The following MALRD1 variants were observed in gnomAD, a reference collection of about 807,000 sequenced individuals.
MALRD1 encodes MAM and LDL-receptor class A domain-containing protein 1.
In MALRD1, 247 loss-of-function variants were observed where a neutral mutation model predicts 242.1. The ratio of observed to expected loss-of-function variants is 1.02; its 90% CI spans 0.92 to 1.13. MALRD1 has a LOEUF of 1.13. Ranked by LOEUF, MALRD1 falls within the 50% of genes most tolerant of loss-of-function variation. The pLI is 0.00. For missense variants in MALRD1, 2,989 were observed against 2,533.1 expected (o/e 1.18, Z -3.86); for synonymous variants, 995 against 866.6 (o/e 1.15, Z -2.60).
chr10:19,242,313 T>G (rs762185163), intron 18 of MALRD1, among the ~76,000 whole-genome samples: 9 of 152,158 alleles, frequency 5.9e-5, no homozygotes, highest in Non-Finnish European at 1.2e-4. Flanking sequence ...ATGATTCAAT[T>G]ATCTCCCACT....
intron 36 of MALRD1, among the ~76,000 whole-genome samples, chr10:19,662,694 G>A (rs1199435445): frequency 6.6e-6 from 1 of 152,102 alleles, no homozygotes; most frequent in African/African-American, 2.4e-5. Context: ...ACCATTTTGT[G>A]CATTTCTGTA....
chr10:19,491,564 C>T lies in MALRD1; in HGVS notation c.5077C>T (p.Arg1693Trp), dbSNP rs748232359. The T allele has an allele frequency of 5.3e-5, 82 of 1,549,920 alleles. No homozygotes were observed. Among genetic ancestry groups the T allele is most frequent in the African/African-American group, 6.9e-5 (5 of 72,986 alleles). The change falls in exon 30 of 40, where the codon CGG becomes TGG. Residue 1693 changes from arginine to tryptophan, a missense_variant. By Grantham distance (101) the Arg-to-Trp change is moderately radical (BLOSUM62 -3). Coordinates refer to ENST00000454679, the MANE Select transcript of MALRD1 (RefSeq NM_001142308.3). ...TCCGGAAATCACTGATTTTTTGTGCCGGGACAAGAAGTGCATTGCATCCCA... is the reference window on the plus strand; with the variant it reads ...TCCGGAAATCACTGATTTTTTGTGCTGGGACAAGAAGTGCATTGCATCCCA... ...LCPEITDFLC[R>W]DKKCIASHLL... is the part of the protein sequence containing the mutation.
At chr10:19,198,862 G>T (rs1275349824) in intron 14 of MALRD1, among the ~76,000 whole-genome samples, 1 of 151,806 alleles carries the variant, frequency 6.6e-6, no homozygotes, top group Non-Finnish European at 1.5e-5. Context: ...CCTTACTATT[G>T]TATATTTTAT....
At chr10:19,430,345 G>A (rs1314436841) in intron 28 of MALRD1, among the ~76,000 whole-genome samples, 1 of 151,522 alleles carries the variant, frequency 6.6e-6, no homozygotes, top group South Asian at 2.1e-4. Flanking sequence ...GTCTTGATTT[G>A]ACCTCGTGAT....
intron 18 of MALRD1, among the ~76,000 whole-genome samples, chr10:19,253,692 T>A (rs963615292): frequency 6.6e-6 from 1 of 152,030 alleles, no homozygotes; most frequent in Admixed American, 6.6e-5. Flanking sequence ...TGTATACAGT[T>A]GTGTAAGCAA....
intron 29 of MALRD1, among the ~76,000 whole-genome samples, chr10:19,464,428 G>A (rs1047137006): frequency 6.6e-6 from 1 of 152,112 alleles, no homozygotes; most frequent in African/African-American, 2.4e-5. Flanking sequence ...TCCTACATGT[G>A]GCTTGCCAAT....
Position 19,125,684 on chromosome 10 carries a change from A to G in MALRD1, c.943+1014A>G, listed in dbSNP as rs180833419. Among the ~76,000 whole-genome samples the G allele has an allele frequency of 3.0e-4, 45 of 152,004 alleles. No homozygotes were observed. The East Asian group carries it at 7.9e-3, about 27-fold the overall frequency. On this transcript the variant is annotated intron_variant, in intron 7 of 39. Transcript: ENST00000454679. ...ATTCTTTATATGAAATTTCTTTAAC[A>G]AAACCTAAAGTGCTCTACTATTTCT...
At chr10:19,313,200 G>A (rs1842503467) in intron 21 of MALRD1, among the ~76,000 whole-genome samples, 2 of 150,998 alleles carry the variant, frequency 1.3e-5, no homozygotes, top group African/African-American at 4.9e-5. Context: ...AATTACCACT[G>A]GCAGATTATT....
intron 2 of MALRD1, among the ~76,000 whole-genome samples, chr10:19,086,838 T>A (rs191203096): frequency 1.8e-4 from 27 of 152,174 alleles, no homozygotes; most frequent in African/African-American, 6.3e-4. Context: ...TATCACAGGC[T>A]CAGAATGTTT....
In MALRD1 at chr10:19,146,318, C is replaced by T. The variant is rs2131440439; in HGVS notation, c.1532C>T (p.Ala511Val). Residue 511 changes from alanine (A) to valine (V), a missense_variant, in exon 11 of 40, where the codon GCT (alanine) becomes GTT (valine). By Grantham distance (64) the Ala-to-Val change is moderately conservative (BLOSUM62 0). Coordinates refer to ENST00000454679, the MANE Select transcript of MALRD1 (RefSeq NM_001142308.3). The stretch of plus-strand genomic sequence containing the variant: ...AATGGAGAGCACCACTTTCCTGCAG[C>T]TGATCACACAGCAAACATAAATCAT... Reference protein sequence around the residue: ...LNNGEHHFPAADHTANINHGS... With the variant: ...LNNGEHHFPAVDHTANINHGS... 2 of 1,231,568 alleles carry T rather than the reference C, an allele frequency of 1.6e-6. No homozygotes were observed. The highest frequency in any genetic ancestry group is 3.2e-5 in the East Asian group (1 of 31,692). 76.3% of individuals were successfully genotyped at this position (1,231,568 alleles called of 1,614,324 possible).
Position 19,155,055 on chromosome 10 carries a change from C to A in MALRD1, c.1559-20C>A. 3 of 1,225,322 alleles carry A rather than the reference C, an allele frequency of 2.4e-6. No individual in the cohort carries two copies. The highest frequency in any genetic ancestry group is 2.0e-6 in the Non-Finnish European group (2 of 982,218). 75.9% of individuals were successfully genotyped at this position (1,225,322 alleles called of 1,614,324 possible). ...TGTAAGAGAACTTGCATCCCTATGA[C>A]TTTCCCTTTGTTTTTTCAGGATCGT... On this transcript the variant is annotated intron_variant, in intron 11 of 39. Coordinates refer to ENST00000454679, the MANE Select transcript of MALRD1 (RefSeq NM_001142308.3).
intron 26 of MALRD1, among the ~76,000 whole-genome samples, chr10:19,365,659 TAAAAAAA>T (rs199989681): frequency 4.1e-5 from 5 of 122,874 alleles, no homozygotes; most frequent in Admixed American, 8.6e-5. Flanking sequence ...TTATAAATTC[TAAAAAAA>T]AAAAAAAAAA....
intron 31 of MALRD1, among the ~76,000 whole-genome samples, chr10:19,502,960 T>C (rs1012435615): frequency 6.6e-6 from 1 of 152,176 alleles, no homozygotes; most frequent in Non-Finnish European, 1.5e-5. Context: ...TTTTGAACTT[T>C]TAGAGCTTGT....
chr10:19,722,485 A>C (rs1264507643), intron 38 of MALRD1: 2 of 149,730 alleles, frequency 1.3e-5, no homozygotes, highest in African/African-American at 4.9e-5. Flanking sequence ...AGCTAGTCAG[A>C]AGGCTGAGGC....
chr10:19,662,310 T>G (rs542040839), intron 36 of MALRD1, among the ~76,000 whole-genome samples: 2 of 152,156 alleles, frequency 1.3e-5, no homozygotes, highest in Non-Finnish European at 2.9e-5. Context: ...ACCTTTAAGA[T>G]GAAAGTCTCC....
intron 32 of MALRD1, among the ~76,000 whole-genome samples, chr10:19,545,349 A>G (rs1364256224): frequency 6.6e-6 from 1 of 152,192 alleles, no homozygotes; most frequent in African/African-American, 2.4e-5. Flanking sequence ...ATCCTGTAAC[A>G]GTATGTTTTG....
chr10:19,225,531 T>C (rs967765255), intron 18 of MALRD1, among the ~76,000 whole-genome samples: 43 of 150,218 alleles, frequency 2.9e-4, no homozygotes, highest in African/African-American at 9.4e-4. Flanking sequence ...TTTTCTGTCA[T>C]TACCAATATT....
At chr10:19,478,517 C>T (rs1393535599) in intron 29 of MALRD1, among the ~76,000 whole-genome samples, 1 of 152,102 alleles carries the variant, frequency 6.6e-6, no homozygotes, top group Non-Finnish European at 1.5e-5. Flanking sequence ...TAAAATTCAG[C>T]ACGTGAAAAG....
chr10:19,660,568 C>T (rs1367385886), intron 36 of MALRD1, among the ~76,000 whole-genome samples: 2 of 152,132 alleles, frequency 1.3e-5, no homozygotes, highest in African/African-American at 2.4e-5. Context: ...TATGCACTAC[C>T]TTCACCTTTC....
Sources: allele counts gnomAD v4.1 joint callset (sites outside exome capture counted in the v4.1 genomes callset), GRCh38; gene constraint gnomAD v4.1.1; transcripts MANE v1.5; gene names NCBI Gene and HGNC (gene_info 2026-07-23, HGNC 2026-07-21).